FAM110B: variants seen among roughly 807,000 people sequenced by gnomAD.
FAM110B encodes protein FAM110B.
In FAM110B, 6 loss-of-function variants were observed where a neutral mutation model predicts 20.4. That is an observed-to-expected ratio of 0.29 (90% CI 0.16 to 0.58). FAM110B has a LOEUF of 0.58. FAM110B is among the 20% of genes least tolerant of loss of function. FAM110B has a pLI of 0.90. For missense variants in FAM110B, 434 were observed against 498.2 expected (o/e 0.87, Z 1.23); for synonymous variants, 226 against 214.1 (o/e 1.06, Z -0.49).
At chr8:58,080,478 G>A (rs10113596) in intron 3 of FAM110B, among the ~76,000 whole-genome samples, 1 of 151,974 alleles carries the variant, frequency 6.6e-6, no homozygotes, top group East Asian at 1.9e-4. Context: ...AAAACCTAGA[G>A]TTTCCAGACC....
At chr8:58,136,076 A>T (rs1457872264) in intron 3 of FAM110B, among the ~76,000 whole-genome samples, 1 of 129,544 alleles carries the variant, frequency 7.7e-6, no homozygotes, top group East Asian at 2.3e-4. Context: ...CAGTGATGTG[A>T]TCTCGGCTCA....
At chr8:58,045,664 A>G (rs549204542) in intron 2 of FAM110B, among the ~76,000 whole-genome samples, 12 of 152,352 alleles carry the variant, frequency 7.9e-5, no homozygotes, top group Non-Finnish European at 1.5e-4. Flanking sequence ...ATAAAATTCA[A>G]AAGTCATCGG....
rs567943215 is a variant in FAM110B, at chr8:58,147,587, C to T, written c.*244C>T. On this transcript the variant is annotated 3_prime_UTR_variant, in exon 4 of 4. Transcript: ENST00000519262. The stretch of plus-strand genomic sequence containing the variant: ...GCCAGAATCTAATTAGGGCTTTGCT[C>T]GTAAGCAAAACTGTTTACATGAAAA... 5 of 515,330 alleles carry T rather than the reference C, an allele frequency of 9.7e-6. No individual in the cohort carries two copies. In the South Asian group the frequency reaches 1.5e-4, roughly 16 times the overall value. 31.9% of individuals were successfully genotyped at this position (515,330 alleles called of 1,614,324 possible).
intron 1 of FAM110B, among the ~76,000 whole-genome samples, chr8:58,019,406 T>G (rs1380609436): frequency 7.8e-6 from 1 of 127,490 alleles, no homozygotes; most frequent in African/African-American, 2.9e-5. Context: ...AAAGAAAAAA[T>G]ATTTATGTAT....
At chr8:58,124,360 T>C (rs1274230000) in intron 3 of FAM110B, among the ~76,000 whole-genome samples, 2 of 152,224 alleles carry the variant, frequency 1.3e-5, no homozygotes, top group Admixed American at 1.3e-4. Context: ...AGAGGAGTTG[T>C]AGTGGATCAA....
At chr8:58,103,615 G>A (rs771206480) in intron 3 of FAM110B, among the ~76,000 whole-genome samples, 2 of 152,128 alleles carry the variant, frequency 1.3e-5, no homozygotes, top group Middle Eastern at 3.2e-3. Flanking sequence ...CTTCCAGGAG[G>A]TGTAAGGTAT....
chr8:58,096,609 G>C (rs1049610631), intron 3 of FAM110B, among the ~76,000 whole-genome samples: 1 of 152,192 alleles, frequency 6.6e-6, no homozygotes, highest in African/African-American at 2.4e-5. Context: ...TATTTTGCCT[G>C]TTAGTTTATG....
At chr8:58,076,083 G>A (rs1340940918) in intron 3 of FAM110B, among the ~76,000 whole-genome samples, 1 of 152,100 alleles carries the variant, frequency 6.6e-6, no homozygotes, top group African/African-American at 2.4e-5. Flanking sequence ...TCCACCTCCT[G>A]CGTAATTAAG....
At position 58,126,562 on chromosome 8, in the gene FAM110B, T is replaced by G. The variant is rs370439694; in HGVS notation, c.-324-19345T>G. On this transcript the variant is annotated intron_variant, in intron 3 of 3. Coordinates refer to ENST00000519262, the MANE Select transcript of FAM110B (RefSeq NM_001377989.1). ...TCTCTGCATTCTTGCCAGCATTTAT[T>G]GGGTGGTGTGTCTCTCTCTCTTTTT... Among the ~76,000 whole-genome samples the G allele has an allele frequency of 1.4e-4, 22 of 152,300 alleles. No homozygotes were observed. The East Asian group carries it at 2.5e-3, about 17-fold the overall frequency.
At chr8:58,081,911 T>C (rs568085319) in intron 3 of FAM110B, among the ~76,000 whole-genome samples, 1 of 152,218 alleles carries the variant, frequency 6.6e-6, no homozygotes, top group Admixed American at 6.5e-5. Flanking sequence ...TTATAAGTAG[T>C]CTTGGAATTA....
Position 58,148,513 on chromosome 8 carries a change from T to C in FAM110B, c.*1170T>C, listed in dbSNP as rs56862248. The C allele has an allele frequency of 0.14, 23,561 of 167,048 alleles. 1,892 individuals carry two copies. Among genetic ancestry groups the C allele is most frequent in the Admixed American group, 0.19 (2,904 of 15,290 alleles). 10.3% of individuals were successfully genotyped at this position (167,048 alleles called of 1,614,324 possible). A position where few individuals can be genotyped will look rare whatever the true frequency, so the allele number is the denominator to read the frequency against. ...TAGTGCTGCCTATCAACTTGTCCCC[T>C]TTTTTCCCAATAACCTGTCTTCCAG... On this transcript the variant is annotated 3_prime_UTR_variant, in exon 4 of 4. Transcript: ENST00000519262.
intron 3 of FAM110B, among the ~76,000 whole-genome samples, chr8:58,093,175 A>G (rs1331342591): frequency 6.6e-6 from 1 of 152,148 alleles, no homozygotes; most frequent in Non-Finnish European, 1.5e-5. Context: ...ATAGATTGCA[A>G]AAGTTTTCTC....
At chr8:58,061,424 A>C (rs61521318) in intron 2 of FAM110B, among the ~76,000 whole-genome samples, 8,512 of 145,282 alleles carry the variant, frequency 0.059, 312 homozygotes, top group African/African-American at 0.11. Flanking sequence ...GATAAAAAAC[A>C]TTCATCATAT....
intron 3 of FAM110B, among the ~76,000 whole-genome samples, chr8:58,132,079 G>A (rs1803485785): frequency 6.6e-6 from 1 of 151,994 alleles, no homozygotes; most frequent in Non-Finnish European, 1.5e-5. Context: ...TTTCCACGAA[G>A]GAGGGTGTCG....
intron 1 of FAM110B, among the ~76,000 whole-genome samples, chr8:57,996,978 A>T (rs944971260): frequency 6.6e-6 from 1 of 152,192 alleles, no homozygotes; most frequent in Non-Finnish European, 1.5e-5. Context: ...TCCTATTTAG[A>T]TATTTTAAAT....
intron 1 of FAM110B, among the ~76,000 whole-genome samples, chr8:58,006,923 A>ATATATATATATATATATATATTTTTTTT: frequency 3.0e-4 from 38 of 126,518 alleles, no homozygotes; most frequent in African/African-American, 1.1e-3. Context: ...ATATATATAT[A>ATATATATATATATATATATATTTTTTTT]TTTTTCCAAA....
intron 2 of FAM110B, among the ~76,000 whole-genome samples, chr8:58,064,391 A>G (rs1027748159): frequency 6.2e-5 from 9 of 144,216 alleles, no homozygotes; most frequent in African/African-American, 2.2e-4. Context: ...GTAAATGTAT[A>G]CACTTTTTTT....
Position 58,146,993 on chromosome 8 carries a change from T to G in FAM110B, c.763T>G (p.Ser255Ala). Reference sequence around the variant, plus strand: ...AGCTTGTGGAGTCAGCCGAAGACCCTCCCTCCAGCGGTCTAAGTCAGACTT... The same window carrying G: ...AGCTTGTGGAGTCAGCCGAAGACCCGCCCTCCAGCGGTCTAAGTCAGACTT... Reference protein sequence around the residue: ...EPACGVSRRPSLQRSKSDLSD... With the variant: ...EPACGVSRRPALQRSKSDLSD... The change falls in exon 4 of 4, where the codon TCC becomes GCC. Residue 255 changes from serine to alanine, a missense_variant. Around this residue, in one of 3 missense-constraint regions of FAM110B, gnomAD observed 284 missense variants for 278.3 expected, o/e 1.02. Coordinates refer to ENST00000519262, the MANE Select transcript of FAM110B (RefSeq NM_001377989.1). 1 of 1,614,054 alleles carries G rather than the reference T, an allele frequency of 6.2e-7. No homozygotes were observed. Among genetic ancestry groups the G allele is most frequent in the Non-Finnish European group, 8.5e-7 (1 of 1,180,030 alleles).
chr8:58,068,608 A>C (rs1384499719), intron 2 of FAM110B, among the ~76,000 whole-genome samples: 1 of 152,182 alleles, frequency 6.6e-6, no homozygotes, highest in Non-Finnish European at 1.5e-5. Context: ...TAAAAAAAAA[A>C]AAAACTACAG....
Sources: allele counts gnomAD v4.1 joint callset (sites outside exome capture counted in the v4.1 genomes callset), GRCh38; gene constraint gnomAD v4.1.1; regional missense constraint gnomAD v4.1.1; transcripts MANE v1.5; gene names NCBI Gene and HGNC (gene_info 2026-07-23, HGNC 2026-07-21).